Variants in SDK1 observed in about 807,000 individuals in gnomAD.
SDK1 encodes protein sidekick-1.
In SDK1, 157 loss-of-function variants were observed where a neutral mutation model predicts 245.5. The observed-to-expected ratio is 0.64, with a 90% CI of 0.56 to 0.73. The LOEUF (loss-of-function observed/expected upper bound fraction) is 0.73. Ranked by LOEUF, SDK1 falls within the 30% of genes least tolerant of loss-of-function variation. The pLI is 0.00. For synonymous variants in SDK1, 1,647 were observed against 1,278.5 expected (o/e 1.29, Z -6.15); for missense variants, 3,583 against 3,002.3 (o/e 1.19, Z -4.52).
At chr7:3,892,442 A>G (rs1781483234) in intron 5 of SDK1, among the ~76,000 whole-genome samples, 1 of 152,202 alleles carries the variant, frequency 6.6e-6, no homozygotes. Flanking sequence ...CCAGGATCTC[A>G]TAAAGCCTCT....
rs551463137 is a variant in SDK1 at position 3,462,298 on chromosome 7, C to A, written c.299-156782C>A. Among the ~76,000 whole-genome samples the A allele has an allele frequency of 5.3e-5, 8 of 152,242 alleles. No homozygotes were observed. The South Asian group carries it at 1.4e-3, about 28-fold the overall frequency. On this transcript the variant is annotated intron_variant, in intron 1 of 44. Transcript: ENST00000404826. ...CCTTGGTTTCCCTCCTAAATGACCT[C>A]TGCTCCCTCTCCTCTCAATATCTTT...
chr7:4,132,474 CA>C (rs765587648), intron 28 of SDK1, 51 bp downstream of exon 28: 83 of 1,349,620 alleles, frequency 6.1e-5, no homozygotes, highest in Non-Finnish European at 7.6e-5. Context: ...GTCATCCCAG[CA>C]CCTTGGGAGA....
intron 4 of SDK1, among the ~76,000 whole-genome samples, chr7:3,815,467 C>T (rs1434908637): frequency 6.7e-6 from 1 of 150,254 alleles, no homozygotes; most frequent in African/African-American, 2.5e-5. Context: ...ATGAAGCCCA[C>T]TTGATCATGG....
chr7:3,492,044 C>G (rs981996245), intron 1 of SDK1, among the ~76,000 whole-genome samples: 5 of 152,122 alleles, frequency 3.3e-5, no homozygotes, highest in African/African-American at 1.2e-4. Context: ...TTTCTGAATA[C>G]AACTCAAGGT....
chr7:3,386,735 G>C (rs560985669), intron 1 of SDK1, among the ~76,000 whole-genome samples: 26 of 152,168 alleles, frequency 1.7e-4, no homozygotes, highest in Non-Finnish European at 3.2e-4. Flanking sequence ...GCAGCCTCCA[G>C]TGAGTCCCGG....
At chr7:3,352,805 CA>C (rs1298584595) in intron 1 of SDK1, among the ~76,000 whole-genome samples, 2 of 151,350 alleles carry the variant, frequency 1.3e-5, no homozygotes, top group African/African-American at 4.9e-5. Flanking sequence ...TTCTGAGGAG[CA>C]TGAAAAAATT....
At chr7:3,723,951 G>T (rs868582905) in intron 4 of SDK1, among the ~76,000 whole-genome samples, 2,870 of 132,340 alleles carry the variant, frequency 0.022, 130 homozygotes, top group Middle Eastern at 0.042. Context: ...TATAGAGAGA[G>T]AGAGAGAGAG....
chr7:3,403,824 C>CATATATATATATATAT (rs10650660), intron 1 of SDK1, among the ~76,000 whole-genome samples: 1 of 60,750 alleles, frequency 1.6e-5, no homozygotes, highest in Non-Finnish European at 3.5e-5. Context: ...AAATATCTTA[C>CATATATATATATATAT]ATATATATAT....
chr7:4,086,085 T>A (rs1341801510), intron 22 of SDK1, among the ~76,000 whole-genome samples: 1 of 152,220 alleles, frequency 6.6e-6, no homozygotes, highest in East Asian at 1.9e-4. Flanking sequence ...TCTGCGTATA[T>A]GTGTACTTCC....
chr7:3,582,797 T>G (rs932144108), intron 1 of SDK1, among the ~76,000 whole-genome samples: 1 of 151,654 alleles, frequency 6.6e-6, no homozygotes, highest in African/African-American at 2.4e-5. Context: ...CCTTTCACGT[T>G]CTCCAGGCTC....
intron 5 of SDK1, among the ~76,000 whole-genome samples, chr7:3,843,008 C>G (rs1232436474): frequency 2.0e-5 from 3 of 152,116 alleles, no homozygotes; most frequent in Non-Finnish European, 4.4e-5. Flanking sequence ...GAACAACTGC[C>G]TAACGCCCGT....
At chr7:3,861,311 T>A (rs1168136845) in intron 5 of SDK1, among the ~76,000 whole-genome samples, 1 of 152,232 alleles carries the variant, frequency 6.6e-6, no homozygotes, top group Admixed American at 6.5e-5. Context: ...CCACTAGTTA[T>A]TTAAGTCATC....
Position 4,144,222 on chromosome 7 carries a change from G to A in SDK1, c.4229-1500G>A, listed in dbSNP as rs960014297. Among the ~76,000 whole-genome samples the A allele has an allele frequency of 6.6e-5, 10 of 152,172 alleles. No individual in the cohort carries two copies. The East Asian group carries it at 1.7e-3, about 27-fold the overall frequency. ...AGTCAGTGACTGGGAAGGAACAGGA[G>A]TCTAGCAGGGACACCCTTGCCAGAG... On this transcript the variant is annotated intron_variant, in intron 28 of 44. Transcript: ENST00000404826.
chr7:3,814,430 C>T (rs1401556310), intron 4 of SDK1, among the ~76,000 whole-genome samples: 5 of 151,136 alleles, frequency 3.3e-5, no homozygotes, highest in East Asian at 1.9e-4. Context: ...TGTAGGTATG[C>T]GGCGTTATTT....
rs188607689 is a variant in SDK1 at position 3,542,935 on chromosome 7, C to T, written c.299-76145C>T. ...AGGAAAAATAGCAGACCAGACCATA[C>T]TGAAGGCTTCCTTTATTCCCTCTGT... On this transcript the variant is annotated intron_variant, in intron 1 of 44. Transcript: ENST00000404826. 1.0e-3 allele frequency among the ~76,000 whole-genome samples: 153 copies of T among 152,342 alleles called. 1 individual carries two copies. Among genetic ancestry groups the T allele is most frequent in the Admixed American group, 1.7e-3 (26 of 15,308 alleles).
intron 1 of SDK1, among the ~76,000 whole-genome samples, chr7:3,362,329 T>G (rs889966644): frequency 3.9e-5 from 6 of 152,196 alleles, no homozygotes; most frequent in Non-Finnish European, 8.8e-5. Context: ...TTTTGAAGAC[T>G]TTTCTTGGAG....
chr7:3,779,608 A>G (rs1414424426), intron 4 of SDK1, among the ~76,000 whole-genome samples: 2 of 152,200 alleles, frequency 1.3e-5, no homozygotes, highest in Non-Finnish European at 2.9e-5. Flanking sequence ...AGAATCTGCA[A>G]CTAAACTAAA....
At chr7:4,088,826 T>A (rs188387332) in intron 22 of SDK1, among the ~76,000 whole-genome samples, 1 of 152,346 alleles carries the variant, frequency 6.6e-6, no homozygotes, top group African/African-American at 2.4e-5. Context: ...TAGTGTATTT[T>A]CTCACCAGTT....
intron 4 of SDK1, among the ~76,000 whole-genome samples, chr7:3,798,501 A>G (rs185001080): frequency 2.0e-3 from 307 of 152,000 alleles, no homozygotes; most frequent in Middle Eastern, 0.01. Flanking sequence ...ACAGGTGTGA[A>G]CCACTGCACC....
Sources: allele counts gnomAD v4.1 joint callset (sites outside exome capture counted in the v4.1 genomes callset), GRCh38; gene constraint gnomAD v4.1.1; transcripts MANE v1.5; gene names NCBI Gene and HGNC (gene_info 2026-07-23, HGNC 2026-07-21).